The following LRP1B variants were observed in gnomAD, a reference collection of about 807,000 sequenced individuals.
LRP1B encodes low-density lipoprotein receptor-related protein 1B.
In LRP1B, 217 loss-of-function variants were observed where a neutral mutation model predicts 556.6. The observed-to-expected ratio is 0.39, with a 90% confidence interval of 0.35 to 0.44. LRP1B has a LOEUF of 0.44. LRP1B is among the 20% of genes least tolerant of loss of function. LRP1B has a pLI of 1.00. For synonymous variants in LRP1B, 2,047 were observed against 1,865.8 expected (o/e 1.10, Z -2.50); for missense variants, 5,053 against 5,620.8 (o/e 0.90, Z 3.23).
chr2:141,276,546 G>C (rs575044658), intron 3 of LRP1B, among the ~76,000 whole-genome samples: 22 of 152,054 alleles, frequency 1.4e-4, no homozygotes, highest in African/African-American at 5.3e-4. Context: ...GAACACATGG[G>C]GTTTGTTTTT....
At chr2:141,508,354 C>T (rs4245859) in intron 2 of LRP1B, among the ~76,000 whole-genome samples, 148,356 of 152,284 alleles carry the variant, frequency 0.97, 72,378 homozygotes, top group East Asian at 1. Context: ...ATTAGGCTAT[C>T]ACTTTTGAAA....
rs528162816 is a variant in LRP1B, at chr2:142,010,467, A to C, written c.82+120181T>G. 3.4e-5 allele frequency among the ~76,000 whole-genome samples: 5 copies of C among 146,444 alleles called. No homozygotes were observed. The South Asian group carries it at 9.3e-4, about 27-fold the overall frequency. Reference sequence around the variant, plus strand: ...TACTCGGAGAGGCTGAGGCAGGAGAATGGCGTGAACCCGGGAGGCGGAGCT... The same window carrying C: ...TACTCGGAGAGGCTGAGGCAGGAGACTGGCGTGAACCCGGGAGGCGGAGCT... On this transcript the variant is annotated intron_variant, in intron 1 of 90. Transcript: ENST00000389484.
chr2:141,651,809 T>C (rs1022065995), intron 2 of LRP1B, among the ~76,000 whole-genome samples: 7 of 152,236 alleles, frequency 4.6e-5, no homozygotes, highest in Non-Finnish European at 8.8e-5. Context: ...AACTGAGGTT[T>C]ACTTTATAGT....
intron 86 of LRP1B, among the ~76,000 whole-genome samples, chr2:140,260,528 T>C (rs1009790221): frequency 4.6e-5 from 7 of 151,942 alleles, no homozygotes; most frequent in Admixed American, 1.3e-4. Flanking sequence ...TATTAATATA[T>C]GTATATGCGT....
At chr2:141,483,231 C>A (rs564632925) in intron 2 of LRP1B, among the ~76,000 whole-genome samples, 8 of 149,026 alleles carry the variant, frequency 5.4e-5, no homozygotes, top group East Asian at 4.0e-4. Flanking sequence ...TTTGTCCTTG[C>A]GATAGTTTGC....
At chr2:141,691,170 G>A (rs1455598789) in intron 2 of LRP1B, among the ~76,000 whole-genome samples, 1 of 151,794 alleles carries the variant, frequency 6.6e-6, no homozygotes, top group Non-Finnish European at 1.5e-5. Flanking sequence ...TAGATGGCCT[G>A]AGCAGGTTTT....
intron 80 of LRP1B, 103 bp from the exon 81 acceptor site, chr2:140,324,169 AAAT>A: frequency 1.6e-6 from 1 of 624,040 alleles, no homozygotes. Context: ...TACTGTTTAA[AAAT>A]AAACTTTCAG....
chr2:140,260,631 TG>T (rs1455863460), intron 86 of LRP1B, among the ~76,000 whole-genome samples: 4 of 151,828 alleles, frequency 2.6e-5, no homozygotes, highest in African/African-American at 9.7e-5. Flanking sequence ...TTGTATTTAT[TG>T]TTTTTTTATT....
chr2:141,307,989 G>A lies in LRP1B; in HGVS notation c.344-53348C>T, dbSNP rs368845636. Reference sequence around the variant, plus strand: ...ATGGGCTGGGTAAGCCAGTCTTCAGGCCTGAAGGTGGCATGTGCAGGTGAG... The same window carrying A: ...ATGGGCTGGGTAAGCCAGTCTTCAGACCTGAAGGTGGCATGTGCAGGTGAG... On this transcript the variant is annotated intron_variant, in intron 3 of 90. Transcript: ENST00000389484. 1.8e-4 allele frequency among the ~76,000 whole-genome samples: 28 copies of A among 152,234 alleles called. 1 individual carries two copies. Among genetic ancestry groups the A allele is most frequent in the East Asian group, 1.7e-3 (9 of 5,164 alleles).
intron 1 of LRP1B, among the ~76,000 whole-genome samples, chr2:141,910,665 T>C (rs1489976022): frequency 6.6e-6 from 1 of 152,096 alleles, no homozygotes; most frequent in Non-Finnish European, 1.5e-5. Context: ...TATGATACAG[T>C]GCATAGAGCT....
intron 35 of LRP1B, among the ~76,000 whole-genome samples, chr2:140,765,124 T>C (rs1046772750): frequency 1.3e-5 from 2 of 152,094 alleles, no homozygotes; most frequent in Non-Finnish European, 2.9e-5. Context: ...CCATTGCAGC[T>C]GGACCCTTGT....
chr2:140,995,563 T>C (rs769920417), intron 15 of LRP1B, among the ~76,000 whole-genome samples: 1 of 152,062 alleles, frequency 6.6e-6, no homozygotes, highest in Admixed American at 6.6e-5. Flanking sequence ...ATCATTATGA[T>C]AACCTATAAG....
chr2:141,381,137 G>C (rs1032158250), intron 3 of LRP1B, among the ~76,000 whole-genome samples: 1 of 151,864 alleles, frequency 6.6e-6, no homozygotes, highest in Admixed American at 6.6e-5. Context: ...AAAAAATAAT[G>C]GTCATAAAAA....
At chr2:141,282,465 TTATATGTATATGTATATGTATATG>T (rs71391648) in intron 3 of LRP1B, among the ~76,000 whole-genome samples, 1 of 135,690 alleles carries the variant, frequency 7.4e-6, no homozygotes, top group African/African-American at 2.7e-5. Context: ...CTCGGGGGTT[TTATATGTATATGTATATGTATATG>T]TATATGTATA....
chr2:141,889,035 A>G (rs989252330), intron 1 of LRP1B, among the ~76,000 whole-genome samples: 30 of 152,158 alleles, frequency 2.0e-4, no homozygotes, highest in African/African-American at 7.2e-4. Context: ...ACCCCAGAAT[A>G]GAGCCTCTCT....
chr2:141,319,151 G>A (rs1687135665), intron 3 of LRP1B, among the ~76,000 whole-genome samples: 1 of 151,948 alleles, frequency 6.6e-6, no homozygotes, highest in East Asian at 1.9e-4. Flanking sequence ...GTGTATTTGA[G>A]TAAAGCAAAC....
intron 41 of LRP1B, among the ~76,000 whole-genome samples, chr2:140,687,678 A>T (rs1224564675): frequency 6.6e-6 from 1 of 152,118 alleles, no homozygotes; most frequent in African/African-American, 2.4e-5. Flanking sequence ...TTGAATATGT[A>T]AATAAAACTT....
At chr2:140,555,463 T>C (rs191399845) in intron 43 of LRP1B, among the ~76,000 whole-genome samples, 66 of 152,144 alleles carry the variant, frequency 4.3e-4, no homozygotes, top group African/African-American at 1.6e-3. Flanking sequence ...TAGTATATAT[T>C]AGTAATTGTG....
At chr2:141,670,859 A>G (rs1415956993) in intron 2 of LRP1B, among the ~76,000 whole-genome samples, 8 of 151,864 alleles carry the variant, frequency 5.3e-5, no homozygotes, top group Admixed American at 5.3e-4. Context: ...TCTGCTTAAA[A>G]CTCTGTCTGA....
Sources: gnomAD v4.1 joint callset for allele counts (sites outside exome capture counted in the v4.1 genomes callset) on GRCh38, gnomAD v4.1.1 for gene constraint, MANE v1.5 for transcripts, NCBI Gene and HGNC (gene_info 2026-07-23, HGNC 2026-07-21) for gene names.